The following FGF14 variants were observed in gnomAD, a reference collection of about 807,000 sequenced individuals.
The protein encoded by FGF14 is fibroblast growth factor homologous factor 4.
A neutral mutation model predicts 25.5 loss-of-function variants in FGF14; 5 were observed. The ratio of observed to expected loss-of-function variants is 0.20; its 90% confidence interval spans 0.10 to 0.41. FGF14 has a LOEUF of 0.41. FGF14 is among the 10% of genes least tolerant of loss of function. FGF14 has a pLI of 1.00. For missense variants in FGF14, 222 were observed against 320.1 expected (o/e 0.69, Z 2.34); for synonymous variants, 138 against 118.3 (o/e 1.17, Z -1.08).
chr13:102,248,248 G>GT (rs1435816718), intron 1 of FGF14, among the ~76,000 whole-genome samples: 1 of 151,918 alleles, frequency 6.6e-6, no homozygotes, highest in East Asian at 1.9e-4. Context: ...TAAAATAAAA[G>GT]TTTTTTTAAA....
At chr13:102,252,681 AC>A (rs758613673) in intron 1 of FGF14, among the ~76,000 whole-genome samples, 7 of 151,108 alleles carry the variant, frequency 4.6e-5, no homozygotes, top group Non-Finnish European at 8.8e-5. Context: ...TTTTAATTAT[AC>A]TTTAAGTTTT....
At chr13:102,247,724 C>A (rs2051951566) in intron 1 of FGF14, among the ~76,000 whole-genome samples, 1 of 152,148 alleles carries the variant, frequency 6.6e-6, no homozygotes, top group Non-Finnish European at 1.5e-5. Flanking sequence ...TTCAACTCAG[C>A]AATCTCATTA....
chr13:102,254,869 G>A (rs1017046477), intron 1 of FGF14, among the ~76,000 whole-genome samples: 3 of 152,146 alleles, frequency 2.0e-5, no homozygotes, highest in African/African-American at 7.2e-5. Flanking sequence ...TATAGAGATT[G>A]CAGGCTATGG....
intron 1 of FGF14, among the ~76,000 whole-genome samples, chr13:101,923,442 T>C (rs1380896045): frequency 1.3e-5 from 2 of 152,108 alleles, no homozygotes; most frequent in African/African-American, 4.8e-5. Flanking sequence ...AAGTAATCGA[T>C]ATTGATGTCC....
intron 1 of FGF14, among the ~76,000 whole-genome samples, chr13:101,898,341 AACACACAC>A (rs55676818): frequency 0.034 from 4,952 of 144,464 alleles, 285 homozygotes; most frequent in African/African-American, 0.12. Context: ...TGAAACATAC[AACACACAC>A]ACACACACAC....
At chr13:101,902,780 T>G (rs1367956437) in intron 1 of FGF14, among the ~76,000 whole-genome samples, 2 of 152,248 alleles carry the variant, frequency 1.3e-5, no homozygotes, top group Non-Finnish European at 2.9e-5. Flanking sequence ...GTTTTGAGAA[T>G]CTGAAATTTC....
At chr13:102,110,478 C>T (rs1207023515) in intron 1 of FGF14, among the ~76,000 whole-genome samples, 2 of 152,136 alleles carry the variant, frequency 1.3e-5, no homozygotes, top group Admixed American at 6.5e-5. Flanking sequence ...TTGTAAGGAA[C>T]GTTTTACTGG....
rs539369443 is a variant in FGF14 at position 101,717,375 on chromosome 13, TGATA to T, written c.*5452_*5455del. ...TAGTTCTATTATTGAGTACGTAAATTGATAGATCTCTTCCGTAAAATGAGGGAAA... is the reference window on the plus strand; with the variant it reads ...TAGTTCTATTATTGAGTACGTAAATTGATCTCTTCCGTAAAATGAGGGAAA... On this transcript the variant is annotated 3_prime_UTR_variant, in exon 5 of 5. Coordinates refer to ENST00000376143, the MANE Select transcript of FGF14 (RefSeq NM_004115.4). The T allele has an allele frequency of 1.1e-3, 171 of 152,300 alleles. No individual in the cohort carries two copies. Among genetic ancestry groups the T allele is most frequent in the African/African-American group, 3.9e-3 (163 of 41,566 alleles). 9.4% of individuals were successfully genotyped at this position (152,300 alleles called of 1,614,324 possible).
intron 1 of FGF14, among the ~76,000 whole-genome samples, chr13:101,885,126 A>G (rs1393895375): frequency 1.3e-5 from 2 of 152,224 alleles, no homozygotes; most frequent in Non-Finnish European, 2.9e-5. Flanking sequence ...CATAAAGCAA[A>G]CTGTGAGATG....
rs11430268 is a variant in FGF14 at position 102,041,583 on chromosome 13, T to TAAA, written c.209-166290_209-166288dup. ...GCAAAAATTACTTTGTGTTTCCATG[T>TAAA]AAAAAAAAAAAAAGAGAGATTTTAT... On this transcript the variant is annotated intron_variant, in intron 1 of 4. Coordinates refer to the FGF14 transcript ENST00000376131. Among the ~76,000 whole-genome samples the TAAA allele has an allele frequency of 3.2e-3, 451 of 141,960 alleles. 4 individuals are homozygous for TAAA. The highest frequency in any genetic ancestry group is 0.011 in the African/African-American group (425 of 37,830). 93.1% of individuals were successfully genotyped at this position (141,960 alleles called of 152,430 possible). A position where few individuals can be genotyped will look rare whatever the true frequency, so the allele number is the denominator to read the frequency against.
chr13:101,866,104 T>C (rs1189426125), intron 3 of FGF14, among the ~76,000 whole-genome samples: 1 of 152,056 alleles, frequency 6.6e-6, no homozygotes, highest in African/African-American at 2.4e-5. Flanking sequence ...ACCCATAATA[T>C]AATATCAAAC....
At chr13:102,114,981 T>C (rs1197857688) in intron 1 of FGF14, among the ~76,000 whole-genome samples, 2 of 152,178 alleles carry the variant, frequency 1.3e-5, no homozygotes, top group African/African-American at 2.4e-5. Context: ...GCTCTTACAG[T>C]AAAATAAAAT....
intron 1 of FGF14, among the ~76,000 whole-genome samples, chr13:101,943,826 A>AAAATATATATATAT (rs1555324449): frequency 1.6e-5 from 2 of 126,808 alleles, no homozygotes; most frequent in African/African-American, 6.8e-5. Flanking sequence ...AAAAAAAAAA[A>AAAATATATATATAT]ATATATATAT....
At chr13:101,818,827 A>G (rs2041971202) in intron 3 of FGF14, among the ~76,000 whole-genome samples, 1 of 152,202 alleles carries the variant, frequency 6.6e-6, no homozygotes. Context: ...CCCTATGCAG[A>G]GCTAAGCCCA....
At chr13:102,161,399 G>A (rs888814930) in intron 1 of FGF14, among the ~76,000 whole-genome samples, 1 of 152,050 alleles carries the variant, frequency 6.6e-6, no homozygotes, top group African/African-American at 2.4e-5. Context: ...TGTCACCACT[G>A]TATCCCTAGT....
At chr13:101,835,379 C>T (rs1284693432) in intron 3 of FGF14, among the ~76,000 whole-genome samples, 1 of 152,004 alleles carries the variant, frequency 6.6e-6, no homozygotes, top group Non-Finnish European at 1.5e-5. Flanking sequence ...TTGCCTACCT[C>T]AAGGACAAAA....
At chr13:101,815,584 G>C (rs1306938624) in intron 3 of FGF14, among the ~76,000 whole-genome samples, 2 of 152,180 alleles carry the variant, frequency 1.3e-5, no homozygotes, top group African/African-American at 2.4e-5. Context: ...ATGAAGCTAA[G>C]TGAGGGCTTC....
At chr13:101,791,418 A>G (rs1269412877) in intron 3 of FGF14, among the ~76,000 whole-genome samples, 1 of 152,102 alleles carries the variant, frequency 6.6e-6, no homozygotes, top group Non-Finnish European at 1.5e-5. Flanking sequence ...TTGAAGTCTC[A>G]CCTTATTTCC....
At chr13:102,383,911 A>G (rs889508932) in intron 1 of FGF14, among the ~76,000 whole-genome samples, 1 of 152,164 alleles carries the variant, frequency 6.6e-6, no homozygotes, top group Non-Finnish European at 1.5e-5. Flanking sequence ...ATGTTACAAA[A>G]AATTTTAATA....
Sources: allele counts gnomAD v4.1 joint callset (sites outside exome capture counted in the v4.1 genomes callset), GRCh38; gene constraint gnomAD v4.1.1; transcripts MANE v1.5; gene names NCBI Gene and HGNC (gene_info 2026-07-23, HGNC 2026-07-21).